The following CHAT variants were observed in gnomAD, a reference collection of about 807,000 sequenced individuals.
CHAT encodes the protein acetyl CoA:choline O-acetyltransferase.
CHAT carries 61 observed loss-of-function variants against 76.9 expected under a neutral mutation model. The ratio of observed to expected loss-of-function variants is 0.79; its 90% CI spans 0.65 to 0.98. CHAT has a LOEUF of 0.98. CHAT is among the 50% of genes least tolerant of loss of function. CHAT has a pLI of 0.00. For missense variants in CHAT, 946 were observed against 986.9 expected (o/e 0.96, Z 0.56); for synonymous variants, 407 against 397.4 (o/e 1.02, Z -0.29).
chr10:49,628,748 CAT>C (rs1839011440), intron 7 of CHAT, among the ~76,000 whole-genome samples: 1 of 152,242 alleles, frequency 6.6e-6, no homozygotes, highest in Non-Finnish European at 1.5e-5. Flanking sequence ...AACAAAGCCC[CAT>C]GGCATGAGTG....
intron 7 of CHAT, among the ~76,000 whole-genome samples, chr10:49,635,988 C>T (rs934677591): frequency 2.6e-5 from 4 of 152,086 alleles, no homozygotes; most frequent in Non-Finnish European, 5.9e-5. Flanking sequence ...TAAATGATCC[C>T]TACTTTTATG....
Position 49,665,552 on chromosome 10 carries a change from G to A in CHAT, c.*506G>A, listed in dbSNP as rs1359129924. Among the ~76,000 whole-genome samples the A allele has an allele frequency of 6.6e-6, 1 of 152,016 alleles. No homozygotes were observed. The highest frequency in any genetic ancestry group is 1.5e-5 in the Non-Finnish European group (1 of 68,006). On this transcript the variant is annotated 3_prime_UTR_variant, in exon 15 of 15. Transcript: ENST00000337653. The stretch of plus-strand genomic sequence containing the variant: ...TGAGATTCAGAGCATTCTTATCGTG[G>A]CATTCCCAGTGTCTCCACTGAGCCG...
intron 7 of CHAT, among the ~76,000 whole-genome samples, chr10:49,642,236 A>G (rs1839506044): frequency 6.6e-6 from 1 of 152,166 alleles, no homozygotes. Context: ...CCATGTTTCC[A>G]TTACATTTGG....
rs546281641 is a variant in CHAT, at chr10:49,632,044, T to C, written c.1111+4259T>C. Among the ~76,000 whole-genome samples, 4 of 151,768 alleles carry C rather than the reference T, an allele frequency of 2.6e-5. No individual in the cohort carries two copies. In the East Asian group the frequency reaches 7.8e-4, roughly 29 times the overall value. ...GGGAGTTGTTTAGAAGCAGGAACAGTAGAAGGAAGCTGTCTACCCCACCTG... is the reference window on the plus strand; with the variant it reads ...GGGAGTTGTTTAGAAGCAGGAACAGCAGAAGGAAGCTGTCTACCCCACCTG... On this transcript the variant is annotated intron_variant, in intron 7 of 14. Transcript: ENST00000337653.
At chr10:49,615,153 G>A (rs1378226173) in intron 1 of CHAT, among the ~76,000 whole-genome samples, 7 of 147,898 alleles carry the variant, frequency 4.7e-5, no homozygotes, top group African/African-American at 1.5e-4. Context: ...AGTGTCTCCC[G>A]AATGGGGGGG....
intron 7 of CHAT, 54 bp downstream of exon 7, chr10:49,627,839 G>A: frequency 6.3e-7 from 1 of 1,582,842 alleles, no homozygotes; most frequent in South Asian, 1.1e-5. Flanking sequence ...CGTGCCCATT[G>A]GCTTTCCCTC....
At chr10:49,624,114 C>A (rs1838831288) in intron 5 of CHAT, among the ~76,000 whole-genome samples, 1 of 152,246 alleles carries the variant, frequency 6.6e-6, no homozygotes, top group Non-Finnish European at 1.5e-5. Context: ...GGCCTGCCCA[C>A]CTCTCTGGCC....
intron 5 of CHAT, among the ~76,000 whole-genome samples, chr10:49,624,462 C>G (rs1330670530): frequency 6.6e-6 from 1 of 152,198 alleles, no homozygotes; most frequent in Non-Finnish European, 1.5e-5. Flanking sequence ...CTCAATCAAC[C>G]TGCCTCAGTG....
chr10:49,637,439 A>T (rs1158013455), intron 7 of CHAT: 1 of 152,022 alleles, frequency 6.6e-6, no homozygotes, highest in East Asian at 1.9e-4. Context: ...CAAGGGAGGG[A>T]CCCGGTGAGA....
chr10:49,617,847 G>A (rs1838555175), intron 2 of CHAT, among the ~76,000 whole-genome samples: 3 of 152,156 alleles, frequency 2.0e-5, no homozygotes, highest in South Asian at 4.2e-4. Flanking sequence ...ATCCATCCTC[G>A]CATCATTCCC....
chr10:49,612,334 A>C (rs1838324072), upstream of CHAT: 2 of 1,583,870 alleles, frequency 1.3e-6, no homozygotes, highest in African/African-American at 2.7e-5. Flanking sequence ...CTACACCCGC[A>C]GCTAGCATCC....
chr10:49,612,132 C>G (rs757904152), upstream of CHAT: 5 of 1,612,212 alleles, frequency 3.1e-6, no homozygotes, highest in Non-Finnish European at 4.2e-6. Flanking sequence ...TCTATGCTCC[C>G]GTCTTGCTGC....
In CHAT at chr10:49,667,707, C is replaced by T. The variant is rs530272669; in HGVS notation, c.*2661C>T. The stretch of plus-strand genomic sequence containing the variant: ...ATGCATAATAAAATGTATGTGGCCA[C>T]CTTACAATACTGCTAAGTTGCTAAA... On this transcript the variant is annotated 3_prime_UTR_variant, in exon 15 of 15. Transcript: ENST00000337653. Among the ~76,000 whole-genome samples the T allele has an allele frequency of 4.8e-4, 73 of 152,240 alleles. No homozygotes were observed. Among genetic ancestry groups the T allele is most frequent in the African/African-American group, 6.7e-4 (28 of 41,546 alleles).
At chr10:49,649,400 C>T (rs1358893183) in intron 9 of CHAT, 108 bp from the exon 10 acceptor site, 11 of 1,548,028 alleles carry the variant, frequency 7.1e-6, no homozygotes, top group African/African-American at 1.4e-5. Flanking sequence ...CCCTGAAACT[C>T]CATGGCCGCA....
At position 49,665,213 on chromosome 10, in the gene CHAT, G is replaced by C; in HGVS notation, c.*167G>C. On this transcript the variant is annotated 3_prime_UTR_variant, in exon 15 of 15. Coordinates refer to ENST00000337653, the MANE Select transcript of CHAT (RefSeq NM_020549.5). The stretch of plus-strand genomic sequence containing the variant: ...CAGAGCCGGAGTGTTAGGAGGAAAG[G>C]GTCCCCTCTTCATGCATGGGAATCA... The C allele has an allele frequency of 1.3e-6, 1 of 771,784 alleles. No individual in the cohort carries two copies. Among genetic ancestry groups the C allele is most frequent in the Non-Finnish European group, 2.2e-6 (1 of 458,058 alleles). 47.8% of individuals were successfully genotyped at this position (771,784 alleles called of 1,614,324 possible).
At chr10:49,625,387 C>G (rs1199324615) in intron 5 of CHAT, 86 bp from the exon 6 acceptor site, 4 of 1,311,200 alleles carry the variant, frequency 3.1e-6, no homozygotes, top group Non-Finnish European at 3.2e-6. Flanking sequence ...TTTGCCTGAT[C>G]AAGTTACAAT....
chr10:49,651,743 T>G (rs1404453198), intron 10 of CHAT, 141 bp from the exon 11 acceptor site: 2 of 778,748 alleles, frequency 2.6e-6, no homozygotes, highest in Admixed American at 4.6e-5. Context: ...GACACCTCAG[T>G]GCACTCCTGA....
chr10:49,617,077 G>A (rs995555143), intron 2 of CHAT, among the ~76,000 whole-genome samples: 11 of 152,040 alleles, frequency 7.2e-5, no homozygotes, highest in African/African-American at 2.4e-4. Context: ...CCTCCCTCCC[G>A]CCCCAGCCAG....
In CHAT at chr10:49,666,195, G is replaced by C. The variant is rs945724624; in HGVS notation, c.*1149G>C. On this transcript the variant is annotated 3_prime_UTR_variant, in exon 15 of 15. Coordinates refer to ENST00000337653, the MANE Select transcript of CHAT (RefSeq NM_020549.5). ...TTAGGGGACAGCTGGCAGGGAGCAG[G>C]GCTGGGAGGAGGGCACAGCCTCCTC... Among the ~76,000 whole-genome samples, 7 of 152,084 alleles carry C rather than the reference G, an allele frequency of 4.6e-5. No individual in the cohort carries two copies. Among genetic ancestry groups the C allele is most frequent in the African/African-American group, 1.7e-4 (7 of 41,408 alleles).
Sources: allele counts gnomAD v4.1 joint callset (sites outside exome capture counted in the v4.1 genomes callset), GRCh38; gene constraint gnomAD v4.1.1; transcripts MANE v1.5; gene names NCBI Gene and HGNC (gene_info 2026-07-23, HGNC 2026-07-21).